SEC14L5: variants seen among roughly 807,000 people sequenced by gnomAD.
SEC14L5 encodes the protein SEC14 like lipid binding 5.
In SEC14L5, 96 loss-of-function variants were observed where a neutral mutation model predicts 84.6. The observed-to-expected ratio is 1.13, with a 90% CI of 0.96 to 1.34. SEC14L5 has a LOEUF of 1.34. Among genes scored for constraint, SEC14L5 ranks in the 40% most tolerant of loss-of-function variants. The pLI is 0.00. For synonymous variants in SEC14L5, 546 were observed against 383.4 expected, an observed-to-expected ratio of 1.42 and a Z score of -4.95; for missense variants, 1,224 against 942.5, an observed-to-expected ratio of 1.30 and a Z score of -3.91.
intron 15 of SEC14L5, among the ~76,000 whole-genome samples, chr16:5,012,905 GA>G (rs35512692): frequency 7.5e-5 from 11 of 145,874 alleles, no homozygotes; most frequent in East Asian, 4.0e-4. Flanking sequence ...AAAGAAAAAG[GA>G]AAAAAAAAAA....
chr16:4,977,722 C>G (rs1955363666), intron 2 of SEC14L5, among the ~76,000 whole-genome samples: 1 of 152,004 alleles, frequency 6.6e-6, no homozygotes, highest in African/African-American at 2.4e-5. Flanking sequence ...TCCGGGGCTC[C>G]CTGGTCCCTT....
intron 4 of SEC14L5, among the ~76,000 whole-genome samples, chr16:4,988,913 A>G (rs1955524109): frequency 6.6e-6 from 1 of 152,248 alleles, no homozygotes; most frequent in Non-Finnish European, 1.5e-5. Context: ...AAACGGAATC[A>G]GTGTGTGTGC....
chr16:4,992,531 C>T (rs764030397), intron 6 of SEC14L5, among the ~76,000 whole-genome samples: 55 of 152,338 alleles, frequency 3.6e-4, no homozygotes, highest in South Asian at 1.0e-3. Flanking sequence ...GGATTACAGG[C>T]GTAAGCCGTT....
At position 4,996,480 on chromosome 16, in the gene SEC14L5, T is replaced by C. The variant is rs939878199; in HGVS notation, c.780+20T>C. ...GGCAAGGTGGGTGCAGGGGGTACCC[T>C]GGAGCAGTGGATGAATGGGCAATGA... On this transcript the variant is annotated intron_variant, in intron 7 of 15. Transcript: ENST00000251170. The C allele has an allele frequency of 1.3e-5, 18 of 1,345,758 alleles. No individual in the cohort carries two copies. The East Asian group carries it at 3.5e-4, about 26-fold the overall frequency. The allele number at this position is 1,345,758 out of a possible 1,614,324, so 83.4% of individuals were successfully genotyped here. A position where few individuals can be genotyped will look rare whatever the true frequency, so the allele number is the denominator to read the frequency against.
intron 5 of SEC14L5, 139 bp from the exon 6 acceptor site, chr16:4,991,699 A>G (rs908459246): frequency 3.8e-6 from 2 of 528,698 alleles, no homozygotes; most frequent in Non-Finnish European, 6.6e-6. Flanking sequence ...CTCCATCCCG[A>G]CCAGACACAT....
intron 15 of SEC14L5, among the ~76,000 whole-genome samples, 185 bp downstream of exon 15, chr16:5,011,458 C>T (rs77883837): frequency 0.021 from 3,164 of 152,288 alleles, 110 homozygotes; most frequent in African/African-American, 0.07. Context: ...CCCAGCTCTG[C>T]GCGTCTAACT....
At position 5,003,486 on chromosome 16, in the gene SEC14L5, T is replaced by C; in HGVS notation, c.1215T>C (p.Ile405=). Residue 405 remains isoleucine (I), a synonymous_variant, in exon 11 of 16, where the codon ATT becomes ATC. Coordinates refer to ENST00000251170, the MANE Select transcript of SEC14L5 (RefSeq NM_014692.2). ...GGGTGAAGGCCCTGCTGCGGATGAT[T>C]GAGGTGGTTGAGGACAATTACCCAG... The part of the protein sequence containing the change: ...RPGVKALLRM[I]EVVEDNYPET... 1.2e-6 allele frequency: 2 copies of C among 1,612,772 alleles called. No individual in the cohort carries two copies. The highest frequency in any genetic ancestry group is 1.7e-6 in the Non-Finnish European group (2 of 1,179,304).
At chr16:5,004,122 TGAGCAAAAAA>T (rs369967165) in intron 11 of SEC14L5, among the ~76,000 whole-genome samples, 219 of 152,144 alleles carry the variant, frequency 1.4e-3, no homozygotes, top group African/African-American at 5.0e-3. Context: ...CCAGGGTGGC[TGAGCAAAAAA>T]GAGCAAAAGG....
At chr16:4,976,556 C>G (rs1350724067) in intron 2 of SEC14L5, among the ~76,000 whole-genome samples, 1 of 152,196 alleles carries the variant, frequency 6.6e-6, no homozygotes, top group African/African-American at 2.4e-5. Context: ...GTTACCCAGC[C>G]TGGAATTGGG....
At chr16:4,995,914 C>T (rs968443131) in intron 6 of SEC14L5, among the ~76,000 whole-genome samples, 2 of 152,136 alleles carry the variant, frequency 1.3e-5, no homozygotes, top group African/African-American at 2.4e-5. Context: ...TCGTGAGCCA[C>T]CACTCACAGC....
chr16:4,965,231 G>A (rs1955183123), intron 2 of SEC14L5, among the ~76,000 whole-genome samples: 1 of 152,112 alleles, frequency 6.6e-6, no homozygotes, highest in Non-Finnish European at 1.5e-5. Context: ...CACTGTGTAT[G>A]AATAGACCAC....
At chr16:4,966,977 C>T (rs2142475839) in intron 2 of SEC14L5, among the ~76,000 whole-genome samples, 1 of 152,340 alleles carries the variant, frequency 6.6e-6, no homozygotes, top group South Asian at 2.1e-4. Flanking sequence ...GTGGCCAGCC[C>T]TTTAGGCCAG....
chr16:5,003,624 G>GCTCCCCC, intron 11 of SEC14L5, 51 bp downstream of exon 11: 1 of 305,312 alleles, frequency 3.3e-6, no homozygotes, highest in Non-Finnish European at 6.5e-6. Flanking sequence ...GGTGGGATGG[G>GCTCCCCC]AGGGGTTCCG....
Position 5,007,383 on chromosome 16 carries a change from A to G in SEC14L5, c.1469A>G (p.Lys490Arg). The G allele has an allele frequency of 6.2e-7, 1 of 1,613,836 alleles. No homozygotes were observed. The highest frequency in any genetic ancestry group is 1.1e-5 in the South Asian group (1 of 91,068). Residue 490 changes from lysine (K) to arginine (R), a missense_variant, in exon 13 of 16, where the codon AAG becomes AGG. Physicochemically the swap from Lys to Arg is conservative, Grantham distance 26. Coordinates refer to ENST00000251170, the MANE Select transcript of SEC14L5 (RefSeq NM_014692.2). Reference sequence around the variant, plus strand: ...GTCCCCGAAGGAGGGCTGGTCCCCAAGTCCCTCTACATGACAGAAGAGGAG... The same window carrying G: ...GTCCCCGAAGGAGGGCTGGTCCCCAGGTCCCTCTACATGACAGAAGAGGAG... ...CNVPEGGLVP[K>R]SLYMTEEEQE...
intron 2 of SEC14L5, among the ~76,000 whole-genome samples, chr16:4,961,442 C>T (rs1455584596): frequency 6.6e-6 from 1 of 152,158 alleles, no homozygotes; most frequent in African/African-American, 2.4e-5. Flanking sequence ...CATTCTCGTG[C>T]CTCAGCCCCC....
chr16:4,987,713 G>T lies in SEC14L5; in HGVS notation c.213+7G>T. ...CCCGCGGCTGCTGCGGAAGGTGGGCGGCCCTGGGGCTGGGGGGCGGAGGAG... is the reference window on the plus strand; with the variant it reads ...CCCGCGGCTGCTGCGGAAGGTGGGCTGCCCTGGGGCTGGGGGGCGGAGGAG... On this transcript the variant is annotated splice_region_variant and intron_variant, in intron 3 of 15. Transcript: ENST00000251170. 6.7e-7 allele frequency: 1 copy of T among 1,498,152 alleles called. No homozygotes were observed. Among genetic ancestry groups the T allele is most frequent in the Non-Finnish European group, 8.9e-7 (1 of 1,129,842 alleles). The allele number at this position is 1,498,152 out of a possible 1,614,324, so 92.8% of individuals were successfully genotyped here.
chr16:4,987,848 C>G, intron 3 of SEC14L5, 142 bp downstream of exon 3: 1 of 706,632 alleles, frequency 1.4e-6, no homozygotes, highest in South Asian at 1.9e-5. Flanking sequence ...GATGGAGGTT[C>G]CAGGATGAGG....
intron 2 of SEC14L5, among the ~76,000 whole-genome samples, chr16:4,982,893 T>C (rs1173286375): frequency 6.6e-6 from 1 of 152,102 alleles, no homozygotes. Context: ...CTCTAATGGC[T>C]CACAGGAAGC....
chr16:4,980,489 T>G (rs1955408431), intron 2 of SEC14L5, among the ~76,000 whole-genome samples: 1 of 152,198 alleles, frequency 6.6e-6, no homozygotes, highest in South Asian at 2.1e-4. Flanking sequence ...TTTGACTGGC[T>G]GCGTGTGCTG....
Sources: allele counts gnomAD v4.1 joint callset (sites outside exome capture counted in the v4.1 genomes callset), GRCh38; gene constraint gnomAD v4.1.1; transcripts MANE v1.5; gene names NCBI Gene and HGNC (gene_info 2026-07-23, HGNC 2026-07-21).